Variants in CARMIL1 observed in about 807,000 individuals in gnomAD.
CARMIL1 encodes the protein F-actin-uncapping protein LRRC16A.
Under a neutral mutation model 177.1 loss-of-function variants are expected in CARMIL1, and 90 were observed. The ratio of observed to expected loss-of-function variants is 0.51; its 90% CI spans 0.43 to 0.61. The LOEUF is 0.61. Among genes scored for constraint, CARMIL1 ranks in the 20% least tolerant of loss-of-function variants. CARMIL1 has a pLI of 0.00. For missense variants in CARMIL1, 1,380 were observed against 1,667.0 expected (o/e 0.83, Z 3.00); for synonymous variants, 577 against 606.2 (o/e 0.95, Z 0.71).
Position 25,556,752 on chromosome 6 carries a change from G to C in CARMIL1, c.2644G>C (p.Glu882Gln), listed in dbSNP as rs1453460567. 2 of 1,613,428 alleles carry C rather than the reference G, an allele frequency of 1.2e-6. No homozygotes were observed. Among genetic ancestry groups the C allele is most frequent in the East Asian group, 2.2e-5 (1 of 44,880 alleles). Reference sequence around the variant, plus strand: ...GACCCTTCCTCAACAAGAATCCTTAGAGATCGAGCTGGCTGAGGAGAAGCC... The same window carrying C: ...GACCCTTCCTCAACAAGAATCCTTACAGATCGAGCTGGCTGAGGAGAAGCC... The part of the protein sequence containing the change: ...GKTLPQQESL[E>Q]IELAEEKPVK... The change falls in exon 29 of 37, where the codon GAG (glutamate) becomes CAG (glutamine). Residue 882 changes from glutamate to glutamine, a missense_variant. Coordinates refer to ENST00000329474, the MANE Select transcript of CARMIL1 (RefSeq NM_017640.6).
rs138495271 is a variant in CARMIL1, at chr6:25,482,610, G to T, written c.961+267G>T. 5.2e-3 allele frequency among the ~76,000 whole-genome samples: 788 copies of T among 152,228 alleles called. 6 individuals carry two copies. Among genetic ancestry groups the T allele is most frequent in the Non-Finnish European group, 8.2e-3 (556 of 68,006 alleles). ...TAAAACTTTGAGTCAGGGAACACTT[G>T]CCTGTCTGCCTCTGCCCTCCTGCCT... On this transcript the variant is annotated intron_variant, in intron 12 of 36. Coordinates refer to ENST00000329474, the MANE Select transcript of CARMIL1 (RefSeq NM_017640.6).
rs770084149 is a variant in CARMIL1 at position 25,491,961 on chromosome 6, T to C, written c.1157T>C (p.Leu386Pro). The change falls in exon 15 of 37, where the codon CTT becomes CCT. Residue 386 changes from leucine to proline, a missense_variant. Transcript: ENST00000329474. The stretch of plus-strand genomic sequence containing the variant: ...TTTCTTTTTCAGGTCTGTGGAGCTC[T>C]TCTCCGTGGATGCCTTCAATATTTA... ...ECSLDMVCGA[L>P]LRGCLQYLAV... 1.2e-6 allele frequency: 2 copies of C among 1,613,770 alleles called. No individual in the cohort carries two copies. The highest frequency in any genetic ancestry group is 2.2e-5 in the East Asian group (1 of 44,872).
intron 2 of CARMIL1, among the ~76,000 whole-genome samples, chr6:25,346,253 C>T (rs1407360293): frequency 6.6e-6 from 1 of 152,200 alleles, no homozygotes; most frequent in Non-Finnish European, 1.5e-5. Context: ...ACTTCCCGCC[C>T]ACTTGCTTCC....
At position 25,577,496 on chromosome 6, in the gene CARMIL1, G is replaced by T; in HGVS notation, c.2743-3428G>T. Among the ~76,000 whole-genome samples the T allele has an allele frequency of 6.6e-6, 1 of 151,296 alleles. No individual in the cohort carries two copies. On this transcript the variant is annotated intron_variant, in intron 29 of 36. Transcript: ENST00000329474. This position sits in a 1 kb window ranked among gnomAD's most constrained non-coding sequence, Gnocchi z 4.5. ...CTTGGTGGTGGGGGGAAGTAATTAT[G>T]GATTCTTGAACTTGGAGTGAGAGTG...
chr6:25,305,265 A>G (rs143453338), intron 2 of CARMIL1, among the ~76,000 whole-genome samples: 1 of 152,284 alleles, frequency 6.6e-6, no homozygotes, highest in African/African-American at 2.4e-5. Flanking sequence ...AATTTTAGTT[A>G]ATAGTGTGGG....
intron 2 of CARMIL1, among the ~76,000 whole-genome samples, chr6:25,354,427 C>T (rs1212625027): frequency 1.4e-5 from 2 of 140,100 alleles, no homozygotes; most frequent in Non-Finnish European, 3.0e-5. Context: ...GATCCTCCCT[C>T]CTTGGCTTCC....
At chr6:25,550,262 A>T (rs1437739116) in intron 26 of CARMIL1, among the ~76,000 whole-genome samples, 1 of 152,182 alleles carries the variant, frequency 6.6e-6, no homozygotes, top group African/African-American at 2.4e-5. Context: ...GTGCTATATG[A>T]ATGTCTTTTG....
intron 29 of CARMIL1, among the ~76,000 whole-genome samples, chr6:25,566,837 T>G (rs552873912): frequency 6.6e-6 from 1 of 152,342 alleles, no homozygotes; most frequent in East Asian, 1.9e-4. Context: ...TCAATAAATA[T>G]CAGTAGTAGC....
intron 11 of CARMIL1, among the ~76,000 whole-genome samples, chr6:25,480,411 C>A (rs1801972765): frequency 6.6e-6 from 1 of 151,654 alleles, no homozygotes; most frequent in Non-Finnish European, 1.5e-5. Flanking sequence ...ATGAAATATT[C>A]CATTTATCTT....
chr6:25,547,402 A>G (rs572582090), intron 26 of CARMIL1, among the ~76,000 whole-genome samples: 114 of 152,338 alleles, frequency 7.5e-4, no homozygotes, highest in African/African-American at 2.7e-3. Context: ...GTTCTACTGC[A>G]TGTTAAGACT....
intron 31 of CARMIL1, among the ~76,000 whole-genome samples, chr6:25,587,875 G>T (rs567789260): frequency 6.6e-6 from 1 of 152,160 alleles, no homozygotes; most frequent in African/African-American, 2.4e-5. Flanking sequence ...ACCAGAATGT[G>T]CCAGCTACAA....
chr6:25,340,407 C>G (rs74982812), intron 2 of CARMIL1, among the ~76,000 whole-genome samples: 6 of 152,088 alleles, frequency 3.9e-5, no homozygotes, highest in Non-Finnish European at 7.3e-5. Flanking sequence ...ATTTGACAAC[C>G]CTGAGCTTGT....
chr6:25,599,802 T>C lies in CARMIL1; in HGVS notation c.3120-512T>C, dbSNP rs147929310. ...GCACAGGAGTGGTGTGGGGTGCAGG[T>C]CTGTTGGTTGTTTTCTGATGACTAT... On this transcript the variant is annotated intron_variant, in intron 32 of 36. Transcript: ENST00000329474. 3.6e-3 allele frequency among the ~76,000 whole-genome samples: 544 copies of C among 152,102 alleles called. 2 individuals are homozygous for C. Among genetic ancestry groups the C allele is most frequent in the African/African-American group, 0.013 (533 of 41,490 alleles).
intron 2 of CARMIL1, among the ~76,000 whole-genome samples, chr6:25,379,165 C>A (rs1176491694): frequency 6.6e-6 from 1 of 152,064 alleles, no homozygotes; most frequent in Middle Eastern, 3.2e-3. Context: ...TCAGTAGGTG[C>A]TATTTGGTGT....
At chr6:25,435,033 A>G (rs1270757126) in intron 4 of CARMIL1, among the ~76,000 whole-genome samples, 1 of 152,246 alleles carries the variant, frequency 6.6e-6, no homozygotes, top group Non-Finnish European at 1.5e-5. Context: ...TAGCAGGGAT[A>G]TAAAAACTTT....
At chr6:25,346,250 G>A (rs1055859958) in intron 2 of CARMIL1, among the ~76,000 whole-genome samples, 2 of 151,982 alleles carry the variant, frequency 1.3e-5, no homozygotes, top group South Asian at 2.1e-4. Context: ...CCCACTTCCC[G>A]CCCACTTGCT....
rs377535067 is a variant in CARMIL1, at chr6:25,536,720, G to A, written c.2068-1135G>A. On this transcript the variant is annotated intron_variant, in intron 24 of 36. Transcript: ENST00000329474. ...CTCTGTAATCAGACCTGAAGTCTTCGGAATAGTGTGTAAAGTCTCTATCAT... is the reference window on the plus strand; with the variant it reads ...CTCTGTAATCAGACCTGAAGTCTTCAGAATAGTGTGTAAAGTCTCTATCAT... Among the ~76,000 whole-genome samples, 13 of 152,212 alleles carry A rather than the reference G, an allele frequency of 8.5e-5. 1 individual carries two copies. The highest frequency in any genetic ancestry group is 8.3e-4 in the South Asian group (4 of 4,814).
At chr6:25,411,182 A>G (rs1489673625) in intron 2 of CARMIL1, among the ~76,000 whole-genome samples, 1 of 152,226 alleles carries the variant, frequency 6.6e-6, no homozygotes, top group East Asian at 1.9e-4. Context: ...CTCTTAGCAC[A>G]CATGCCCTAT....
intron 31 of CARMIL1, among the ~76,000 whole-genome samples, chr6:25,590,244 T>A (rs1814163151): frequency 6.6e-6 from 1 of 152,232 alleles, no homozygotes. Flanking sequence ...GATTCTTTTT[T>A]TTCGGTATTT....
Sources: gnomAD v4.1 joint callset for allele counts (sites outside exome capture counted in the v4.1 genomes callset) on GRCh38, gnomAD v4.1.1 for gene constraint, Gnocchi (gnomAD v3.1) non-coding constraint, MANE v1.5 for transcripts, NCBI Gene and HGNC (gene_info 2026-07-23, HGNC 2026-07-21) for gene names.